Variants in KCNJ3 observed in about 807,000 individuals in gnomAD.
KCNJ3 encodes the protein potassium inwardly rectifying channel subfamily J member 3.
In KCNJ3, 4 loss-of-function variants were observed where a neutral mutation model predicts 39.2. That is an observed-to-expected ratio of 0.10 (90% CI 0.05 to 0.23). The LOEUF is 0.23. KCNJ3 is among the 10% of genes least tolerant of loss of function. The pLI, the probability that KCNJ3 is intolerant of heterozygous loss-of-function variation, is 1.00. For missense variants in KCNJ3, 276 were observed against 634.9 expected, an observed-to-expected ratio of 0.43 and a Z score of 6.08; for synonymous variants, 230 against 237.4, an observed-to-expected ratio of 0.97 and a Z score of 0.29.
chr2:154,772,958 T>C (rs1313691851), intron 2 of KCNJ3, among the ~76,000 whole-genome samples: 1 of 152,150 alleles, frequency 6.6e-6, no homozygotes, highest in Non-Finnish European at 1.5e-5. Flanking sequence ...AGTTTAAATA[T>C]ATTTTATTCT....
intron 2 of KCNJ3, among the ~76,000 whole-genome samples, chr2:154,829,696 G>A (rs1042769423): frequency 6.6e-6 from 1 of 152,086 alleles, no homozygotes; most frequent in Non-Finnish European, 1.5e-5. Context: ...TTGAGGAATT[G>A]CCATGCTGAT....
intron 2 of KCNJ3, among the ~76,000 whole-genome samples, chr2:154,813,088 A>G (rs979111856): frequency 6.6e-6 from 1 of 152,256 alleles, no homozygotes; most frequent in Non-Finnish European, 1.5e-5. Context: ...ACAGCTAGTT[A>G]GTAGCTAGAA....
chr2:154,762,515 G>C (rs934545387), intron 2 of KCNJ3, among the ~76,000 whole-genome samples: 4 of 152,170 alleles, frequency 2.6e-5, no homozygotes, highest in Non-Finnish European at 4.4e-5. Flanking sequence ...TTCTAGACTA[G>C]ATTTTTTAAG....
chr2:154,838,043 A>G (rs1048774782), intron 2 of KCNJ3, among the ~76,000 whole-genome samples: 6 of 152,216 alleles, frequency 3.9e-5, no homozygotes, highest in African/African-American at 1.4e-4. Flanking sequence ...TAAGTCATTG[A>G]GACATTTACA....
intron 2 of KCNJ3, among the ~76,000 whole-genome samples, chr2:154,786,200 A>G (rs1686526494): frequency 6.6e-6 from 1 of 152,170 alleles, no homozygotes; most frequent in African/African-American, 2.4e-5. Flanking sequence ...GACTACATTT[A>G]TTTAGAGATA....
chr2:154,827,497 T>C (rs1687289498), intron 2 of KCNJ3, among the ~76,000 whole-genome samples: 2 of 152,110 alleles, frequency 1.3e-5, no homozygotes, highest in South Asian at 4.1e-4. Context: ...ACATCCTGCC[T>C]TATGTTAATG....
At chr2:154,811,560 G>A (rs1173484861) in intron 2 of KCNJ3, among the ~76,000 whole-genome samples, 1 of 152,088 alleles carries the variant, frequency 6.6e-6, no homozygotes, top group Non-Finnish European at 1.5e-5. Flanking sequence ...CCAAAGTGCT[G>A]GGATTACAGG....
chr2:154,713,088 A>G (rs1685127735), intron 2 of KCNJ3, among the ~76,000 whole-genome samples: 1 of 152,098 alleles, frequency 6.6e-6, no homozygotes, highest in South Asian at 2.1e-4. Flanking sequence ...GGAAGGGCCT[A>G]TCTGCATTCT....
intron 2 of KCNJ3, among the ~76,000 whole-genome samples, chr2:154,731,963 T>C (rs941112676): frequency 1.3e-5 from 2 of 152,024 alleles, no homozygotes; most frequent in African/African-American, 4.8e-5. Flanking sequence ...GGGAAGAGAC[T>C]AAACATGTTA....
chr2:154,819,512 C>A (rs1574473934), intron 2 of KCNJ3, among the ~76,000 whole-genome samples: 1 of 151,630 alleles, frequency 6.6e-6, no homozygotes, highest in Non-Finnish European at 1.5e-5. Flanking sequence ...AACACAATAA[C>A]ATTTTATTTA....
intron 2 of KCNJ3, among the ~76,000 whole-genome samples, chr2:154,769,956 G>T (rs1462874099): frequency 2.0e-5 from 3 of 152,082 alleles, no homozygotes; most frequent in Non-Finnish European, 1.5e-5. Context: ...TTAATGAAAA[G>T]TTTTCAGTAA....
intron 2 of KCNJ3, among the ~76,000 whole-genome samples, chr2:154,736,690 T>C (rs1685552919): frequency 1.3e-5 from 2 of 152,266 alleles, no homozygotes; most frequent in East Asian, 3.9e-4. Context: ...CAAAATTCCA[T>C]GCCTTCAAAG....
intron 1 of KCNJ3, among the ~76,000 whole-genome samples, chr2:154,707,051 G>A (rs1685022715): frequency 6.6e-6 from 1 of 152,140 alleles, no homozygotes; most frequent in African/African-American, 2.4e-5. Context: ...CAATAAAATT[G>A]TGAATATGTG....
At chr2:154,810,624 T>TA (rs531283237) in intron 2 of KCNJ3, among the ~76,000 whole-genome samples, 209 of 152,200 alleles carry the variant, frequency 1.4e-3, no homozygotes, top group Non-Finnish European at 2.6e-3. Flanking sequence ...TATTTTTATT[T>TA]AAAAAAATCA....
At chr2:154,831,954 G>A (rs1045222733) in intron 2 of KCNJ3, among the ~76,000 whole-genome samples, 5 of 152,150 alleles carry the variant, frequency 3.3e-5, no homozygotes, top group Admixed American at 6.5e-5. Context: ...CAGTCATGGC[G>A]GAAGGTGAAG....
intron 2 of KCNJ3, among the ~76,000 whole-genome samples, chr2:154,804,380 G>T (rs1402970750): frequency 6.6e-6 from 1 of 152,058 alleles, no homozygotes; most frequent in African/African-American, 2.4e-5. Context: ...TTCTGATACC[G>T]GGTCACTTGA....
At chr2:154,763,692 T>C (rs1210324672) in intron 2 of KCNJ3, among the ~76,000 whole-genome samples, 1 of 152,142 alleles carries the variant, frequency 6.6e-6, no homozygotes, top group Non-Finnish European at 1.5e-5. Context: ...GGTAGGATCT[T>C]GCATAGTGAG....
At chr2:154,765,736 A>G (rs887276846) in intron 2 of KCNJ3, among the ~76,000 whole-genome samples, 3 of 152,202 alleles carry the variant, frequency 2.0e-5, no homozygotes, top group African/African-American at 4.8e-5. Context: ...GGAATATTTT[A>G]ATCTTCAAAG....
chr2:154,727,308 G>A (rs748379462), intron 2 of KCNJ3, among the ~76,000 whole-genome samples: 20 of 152,114 alleles, frequency 1.3e-4, no homozygotes, highest in Middle Eastern at 3.4e-3. Context: ...ATGAATGGCC[G>A]TGTGTGGTGG....
Sources: allele counts gnomAD v4.1 joint callset (sites outside exome capture counted in the v4.1 genomes callset), GRCh38; gene constraint gnomAD v4.1.1; transcripts MANE v1.5; gene names NCBI Gene and HGNC (gene_info 2026-07-23, HGNC 2026-07-21).